POU2AF2: variants seen among roughly 807,000 people sequenced by gnomAD.
POU2AF2 encodes the protein POU domain class 2-associating factor 2.
chr11:111,275,737 A>G, the POU2AF2 span, among the ~76,000 whole-genome samples: 1 of 152,238 alleles, frequency 6.6e-6, no homozygotes, highest in Non-Finnish European at 1.5e-5. Context: ...TACTGAACAC[A>G]AAATACATAA....
the POU2AF2 span, among the ~76,000 whole-genome samples, chr11:111,273,511 G>A: frequency 6.6e-6 from 1 of 152,136 alleles, no homozygotes; most frequent in Non-Finnish European, 1.5e-5. Flanking sequence ...AAGTGGCTAT[G>A]ATTATTATTA....
the POU2AF2 span, among the ~76,000 whole-genome samples, chr11:111,262,088 A>T: frequency 6.6e-6 from 1 of 152,244 alleles, no homozygotes. Flanking sequence ...TCTTACATTT[A>T]AATTATTTCA....
At chr11:111,277,282 G>T in the POU2AF2 span, among the ~76,000 whole-genome samples, 2 of 152,216 alleles carry the variant, frequency 1.3e-5, no homozygotes, top group Non-Finnish European at 1.5e-5. Context: ...GCTTCATCAA[G>T]TAATAAATAA....
chr11:111,258,951 C>T, the POU2AF2 span, among the ~76,000 whole-genome samples: 1 of 152,148 alleles, frequency 6.6e-6, no homozygotes, highest in South Asian at 2.1e-4. Flanking sequence ...AAAGTGGATA[C>T]AAGAAACACA....
chr11:111,272,937 C>T, the POU2AF2 span, among the ~76,000 whole-genome samples: 1 of 152,088 alleles, frequency 6.6e-6, no homozygotes, highest in Admixed American at 6.6e-5. Context: ...CCTTCAGCAC[C>T]CAATTCAAAT....
At chr11:111,250,100 C>T in the POU2AF2 span, among the ~76,000 whole-genome samples, 1 of 151,946 alleles carries the variant, frequency 6.6e-6, no homozygotes. Flanking sequence ...TTAAAAACTG[C>T]ATTCTTCTTC....
the POU2AF2 span, among the ~76,000 whole-genome samples, chr11:111,283,551 G>A: frequency 6.6e-6 from 1 of 152,176 alleles, no homozygotes. Context: ...TCTGCCAGGC[G>A]TGCGACCCAG....
chr11:111,260,913 C>T, the POU2AF2 span, among the ~76,000 whole-genome samples: 3 of 152,158 alleles, frequency 2.0e-5, no homozygotes, highest in East Asian at 1.9e-4. Flanking sequence ...TTATTTGTGA[C>T]GACACTGATA....
chr11:111,252,323 C>T, the POU2AF2 span, among the ~76,000 whole-genome samples: 1 of 152,168 alleles, frequency 6.6e-6, no homozygotes, highest in Non-Finnish European at 1.5e-5. Flanking sequence ...ATCAGAATCA[C>T]CTGGAAGGCT....
the POU2AF2 span, among the ~76,000 whole-genome samples, chr11:111,263,634 T>C: frequency 1.3e-5 from 2 of 152,054 alleles, no homozygotes; most frequent in Non-Finnish European, 2.9e-5. Flanking sequence ...GGTTTCACCA[T>C]ATTGGCCAGG....
the POU2AF2 span, among the ~76,000 whole-genome samples, chr11:111,255,408 G>A: frequency 7.2e-4 from 109 of 152,122 alleles, no homozygotes; most frequent in Non-Finnish European, 1.4e-3. Context: ...ATTTATCCTC[G>A]GCCTTATTTT....
chr11:111,285,555 G>A, the POU2AF2 span: 72 of 1,321,976 alleles, frequency 5.4e-5, no homozygotes, highest in East Asian at 1.8e-3. Context: ...CAGAGAGAGG[G>A]GACGAAGGCT....
chr11:111,275,863 C>A, the POU2AF2 span, among the ~76,000 whole-genome samples: 1 of 151,920 alleles, frequency 6.6e-6, no homozygotes, highest in Non-Finnish European at 1.5e-5. Context: ...TATAAAAATT[C>A]AATGTGTGAG....
the POU2AF2 span, among the ~76,000 whole-genome samples, chr11:111,253,948 C>A: frequency 6.6e-6 from 1 of 152,174 alleles, no homozygotes; most frequent in South Asian, 2.1e-4. Context: ...GAGTCTCTCT[C>A]CCCGCTACAA....
the POU2AF2 span, among the ~76,000 whole-genome samples, chr11:111,248,514 G>A: frequency 6.6e-6 from 1 of 152,212 alleles, no homozygotes; most frequent in Non-Finnish European, 1.5e-5. Flanking sequence ...TGTCTTGAGT[G>A]ACAGTGTGGC....
the POU2AF2 span, among the ~76,000 whole-genome samples, chr11:111,254,786 C>T: frequency 6.6e-6 from 1 of 152,168 alleles, no homozygotes; most frequent in Non-Finnish European, 1.5e-5. Context: ...GTGCCTCATA[C>T]GTACATTTGT....
chr11:111,281,855 G>C, the POU2AF2 span, among the ~76,000 whole-genome samples: 1 of 152,130 alleles, frequency 6.6e-6, no homozygotes, highest in Non-Finnish European at 1.5e-5. Context: ...ACTCCTGTGG[G>C]GATGTAAAAG....
At chr11:111,269,519 GT>G in the POU2AF2 span, among the ~76,000 whole-genome samples, 1 of 152,014 alleles carries the variant, frequency 6.6e-6, no homozygotes, top group African/African-American at 2.4e-5. Context: ...GTTCTGCAGG[GT>G]TTTTTTAATG....
the POU2AF2 span, among the ~76,000 whole-genome samples, chr11:111,255,308 A>G: frequency 2.0e-5 from 3 of 152,254 alleles, no homozygotes; most frequent in Admixed American, 6.5e-5. Context: ...ATGAAGCAAT[A>G]CATGTAAATT....
Sources: gnomAD v4.1 joint callset for allele counts (sites outside exome capture counted in the v4.1 genomes callset) on GRCh38, gnomAD v4.1.1 for gene constraint, MANE v1.5 for transcripts, NCBI Gene and HGNC (gene_info 2026-07-23, HGNC 2026-07-21) for gene names.